The following DDC variants were observed in gnomAD, a reference collection of about 807,000 sequenced individuals.
DDC encodes dopa decarboxylase, also known as aromatic-L-amino-acid decarboxylase.
DDC carries 43 observed loss-of-function variants against 60.0 expected under a neutral mutation model. The ratio of observed to expected loss-of-function variants is 0.72; its 90% confidence interval spans 0.56 to 0.92. The LOEUF is 0.92. Among genes scored for constraint, DDC ranks in the 40% least tolerant of loss-of-function variants. The pLI, the probability that DDC is intolerant of heterozygous loss-of-function variation, is 0.00. For missense variants in DDC, 573 were observed against 620.2 expected, an observed-to-expected ratio of 0.92 and a Z score of 0.81; for synonymous variants, 232 against 234.6, an observed-to-expected ratio of 0.99 and a Z score of 0.10.
chr7:50,523,372 G>C (rs12535064), intron 6 of DDC, among the ~76,000 whole-genome samples: 110,584 of 152,000 alleles, frequency 0.73, 40,526 homozygotes, highest in East Asian at 0.8. Context: ...ATTGTTTAAA[G>C]GATGAAATGA....
chr7:50,463,325 A>G lies in DDC; in HGVS notation c.1349T>C (p.Ile450Thr), dbSNP rs2042326158. Residue 450 changes from isoleucine (I) to threonine (T), a missense_variant, in exon 14 of 15, where the codon ATC becomes ACC. Transcript: ENST00000444124. The stretch of plus-strand genomic sequence containing the variant: ...GGCAGATTCCACCGTGCGAGAACAG[A>G]TGGCAAAGCGCAGGACAAACTTGTC... ...LRDKFVLRFA[I>T]CSRTVESAHV... 6.2e-7 allele frequency: 1 copy of G among 1,614,138 alleles called. No homozygotes were observed. The highest frequency in any genetic ancestry group is 8.5e-7 in the Non-Finnish European group (1 of 1,180,046).
chr7:50,510,686 AAT>A (rs2043536277), intron 6 of DDC, among the ~76,000 whole-genome samples: 1 of 149,504 alleles, frequency 6.7e-6, no homozygotes, highest in Non-Finnish European at 1.5e-5. Flanking sequence ...AAAAAAAAAA[AAT>A]GTAAGTAAGA....
intron 6 of DDC, among the ~76,000 whole-genome samples, chr7:50,514,163 G>A (rs1461951376): frequency 6.6e-6 from 1 of 152,196 alleles, no homozygotes; most frequent in South Asian, 2.1e-4. Flanking sequence ...ACTCTGTGCA[G>A]ATAACCCCTG....
At chr7:50,560,321 C>A (rs994307242) in intron 1 of DDC, among the ~76,000 whole-genome samples, 23 of 152,168 alleles carry the variant, frequency 1.5e-4, no homozygotes, top group African/African-American at 5.3e-4. Flanking sequence ...TGTCACCTGC[C>A]TGAATTTCGC....
chr7:50,540,103 C>T, intron 2 of DDC, 75 bp from the exon 3 acceptor site: 1 of 1,136,650 alleles, frequency 8.8e-7, no homozygotes, highest in Non-Finnish European at 1.3e-6. Flanking sequence ...CCCAGGTACC[C>T]CCATGGCTCC....
rs927856050 is a variant in DDC at position 50,519,790 on chromosome 7, T to C, written c.714+8347A>G. 2.0e-5 allele frequency among the ~76,000 whole-genome samples: 3 copies of C among 152,208 alleles called. No individual in the cohort carries two copies. The East Asian group carries it at 5.8e-4, about 29-fold the overall frequency. ...AAAAGACTACAAATGTGGTGCAGTG[T>C]ATACTGCTCAGTTTATGGGTGCACC... On this transcript the variant is annotated intron_variant, in intron 6 of 14. Coordinates refer to ENST00000444124, the MANE Select transcript of DDC (RefSeq NM_001082971.2).
Position 50,539,940 on chromosome 7 carries a change from G to A in DDC, c.290C>T (p.Ala97Val). 1 of 1,613,884 alleles carries A rather than the reference G, an allele frequency of 6.2e-7. No homozygotes were observed. Among genetic ancestry groups the A allele is most frequent in the Non-Finnish European group, 8.5e-7 (1 of 1,179,894 alleles). ...PAMLADMLCG[A>V]IGCIGFSWAA... ...CCAGGAGAAGCCGATGCAGCCAATG[G>A]CCCCGCACAGCATGTCCGCAAGCAT... Residue 97 changes from alanine (A) to valine (V), a missense_variant, in exon 3 of 15, where the codon GCC (alanine) becomes GTC (valine). Coordinates refer to ENST00000444124, the MANE Select transcript of DDC (RefSeq NM_001082971.2).
chr7:50,527,956 G>C (rs2044084482), intron 6 of DDC, 181 bp downstream of exon 6: 2 of 594,604 alleles, frequency 3.4e-6, no homozygotes, highest in African/African-American at 3.7e-5. Context: ...GAGTGCAGCG[G>C]CGCGATCTCG....
At chr7:50,539,572 G>A (rs980125989) in intron 3 of DDC, among the ~76,000 whole-genome samples, 5 of 152,158 alleles carry the variant, frequency 3.3e-5, no homozygotes, top group African/African-American at 1.2e-4. Flanking sequence ...TCAAGCTTTG[G>A]AGGATATAGA....
chr7:50,540,155 G>A, intron 2 of DDC, 127 bp from the exon 3 acceptor site: 1 of 722,182 alleles, frequency 1.4e-6, no homozygotes, highest in Non-Finnish European at 2.5e-6. Context: ...GGTGAGTGCA[G>A]TTCCCCAAAT....
At chr7:50,538,676 G>A (rs140301191) in intron 3 of DDC, among the ~76,000 whole-genome samples, 9 of 152,288 alleles carry the variant, frequency 5.9e-5, no homozygotes, top group African/African-American at 1.7e-4. Context: ...ATCAGGCAAC[G>A]CAGCCTGAGA....
At chr7:50,475,181 C>T (rs11761683) in intron 11 of DDC, among the ~76,000 whole-genome samples, 103,963 of 152,104 alleles carry the variant, frequency 0.68, 35,810 homozygotes, top group African/African-American at 0.73. Context: ...AGAAAGGCCA[C>T]GAACCAGAGG....
chr7:50,564,593 G>A (rs557864455), intron 1 of DDC, among the ~76,000 whole-genome samples: 2 of 152,264 alleles, frequency 1.3e-5, no homozygotes, highest in African/African-American at 2.4e-5. Flanking sequence ...ATATACTTCC[G>A]ACAACAGACT....
intron 6 of DDC, among the ~76,000 whole-genome samples, chr7:50,506,984 T>A (rs2043416116): frequency 6.6e-6 from 1 of 152,244 alleles, no homozygotes; most frequent in African/African-American, 2.4e-5. Flanking sequence ...TGCAATTTCA[T>A]CTTGACATAT....
chr7:50,515,478 A>G (rs1484657952), intron 6 of DDC, among the ~76,000 whole-genome samples: 2 of 152,214 alleles, frequency 1.3e-5, no homozygotes, highest in African/African-American at 4.8e-5. Flanking sequence ...ATGACACAGG[A>G]CCTATAAAGC....
At chr7:50,495,483 C>A in intron 8 of DDC, 66 bp from the exon 9 acceptor site, 1 of 1,253,992 alleles carries the variant, frequency 8.0e-7, no homozygotes, top group East Asian at 2.5e-5. Context: ...ATAAAGAAGA[C>A]CCCATACATG....
intron 11 of DDC, among the ~76,000 whole-genome samples, chr7:50,476,338 C>G (rs1460948623): frequency 6.6e-6 from 1 of 152,202 alleles, no homozygotes; most frequent in Non-Finnish European, 1.5e-5. Context: ...GGCAGAAGGG[C>G]CTTTTCCTTC....
intron 4 of DDC, among the ~76,000 whole-genome samples, chr7:50,536,306 C>T (rs773813025): frequency 5.9e-5 from 9 of 152,204 alleles, no homozygotes; most frequent in African/African-American, 9.7e-5. Context: ...AACCAATGTA[C>T]ATCTTACATC....
chr7:50,553,139 G>A (rs1177268016), intron 1 of DDC, among the ~76,000 whole-genome samples: 7 of 152,220 alleles, frequency 4.6e-5, no homozygotes, highest in Non-Finnish European at 7.3e-5. Context: ...TCACAAGCCC[G>A]GAGTGGGGAT....
Sources: gnomAD v4.1 joint callset for allele counts (sites outside exome capture counted in the v4.1 genomes callset) on GRCh38, gnomAD v4.1.1 for gene constraint, MANE v1.5 for transcripts, NCBI Gene and HGNC (gene_info 2026-07-23, HGNC 2026-07-21) for gene names.